The following PRDM16 variants were observed in gnomAD, a reference collection of about 807,000 sequenced individuals.
PRDM16 encodes histone-lysine N-methyltransferase PRDM16.
PRDM16 carries 23 observed loss-of-function variants against 110.6 expected under a neutral mutation model. The observed-to-expected ratio is 0.21, with a 90% CI of 0.15 to 0.29. The LOEUF is 0.29. Ranked by LOEUF, PRDM16 falls within the 10% of genes least tolerant of loss-of-function variation. The pLI is 1.00. For synonymous variants in PRDM16, 799 were observed against 781.8 expected, an observed-to-expected ratio of 1.02 and a Z score of -0.37; for missense variants, 1,615 against 1,794.3, an observed-to-expected ratio of 0.90 and a Z score of 1.81.
At chr1:3,079,834 G>T (rs1279931000) in intron 1 of PRDM16, among the ~76,000 whole-genome samples, 2 of 152,180 alleles carry the variant, frequency 1.3e-5, no homozygotes, top group African/African-American at 4.8e-5. Flanking sequence ...TCTGAGGTTG[G>T]CCTGAGAGGG....
At chr1:3,212,196 G>A (rs1028411570) in intron 2 of PRDM16, among the ~76,000 whole-genome samples, 3 of 152,276 alleles carry the variant, frequency 2.0e-5, no homozygotes, top group East Asian at 1.9e-4. Context: ...GGGCCAGTGC[G>A]CACAAAGCCC....
chr1:3,181,119 C>T (rs1157473294), intron 1 of PRDM16, among the ~76,000 whole-genome samples: 1 of 138,208 alleles, frequency 7.2e-6, no homozygotes, highest in Non-Finnish European at 1.6e-5. Context: ...CGCGGCCTTA[C>T]ACACGCAGTC....
intron 2 of PRDM16, among the ~76,000 whole-genome samples, chr1:3,236,068 G>A (rs1639532798): frequency 1.3e-5 from 2 of 152,290 alleles, no homozygotes; most frequent in South Asian, 2.1e-4. Context: ...AGTATCCAGA[G>A]AGCAGGCATC....
intron 3 of PRDM16, among the ~76,000 whole-genome samples, chr1:3,362,557 A>G (rs1362684219): frequency 6.6e-6 from 1 of 152,194 alleles, no homozygotes; most frequent in East Asian, 1.9e-4. Flanking sequence ...GGTGGGAACC[A>G]GTGGAAGACG....
intron 3 of PRDM16, among the ~76,000 whole-genome samples, chr1:3,383,692 G>GT (rs1474932596): frequency 2.0e-5 from 3 of 152,144 alleles, no homozygotes; most frequent in African/African-American, 7.2e-5. Flanking sequence ...ACCCGGGAGA[G>GT]TGCATGCCGA....
chr1:3,404,904 C>T lies in PRDM16; in HGVS notation c.1032+18C>T. 1 of 1,610,166 alleles carries T rather than the reference C, an allele frequency of 6.2e-7. No homozygotes were observed. The highest frequency in any genetic ancestry group is 8.5e-7 in the Non-Finnish European group (1 of 1,178,802). ...GCGTGAAGGTAACCTGCGGGGCGGC[C>T]CCGTCTCAGCCCCGGGGCAGCAGGA... On this transcript the variant is annotated intron_variant, in intron 7 of 16. Transcript: ENST00000270722.
intron 1 of PRDM16, among the ~76,000 whole-genome samples, chr1:3,139,302 C>T (rs527951580): frequency 4.6e-5 from 7 of 152,306 alleles, no homozygotes; most frequent in South Asian, 2.1e-4. Context: ...CTCCTGGAGC[C>T]GAGCCGTGCA....
chr1:3,391,957 C>T (rs1193862735), intron 4 of PRDM16, among the ~76,000 whole-genome samples: 12 of 152,242 alleles, frequency 7.9e-5, no homozygotes, highest in Admixed American at 5.9e-4. Flanking sequence ...GCTCCTGGGC[C>T]GGCCTCGGGG....
At chr1:3,418,030 C>A in intron 11 of PRDM16, 33 bp downstream of exon 11, 3 of 1,580,560 alleles carry the variant, frequency 1.9e-6, no homozygotes, top group Non-Finnish European at 2.6e-6. Flanking sequence ...TGGGACAGCC[C>A]TGGCGGGGCT....
At position 3,411,886 on chromosome 1, in the gene PRDM16, C is replaced by T. The variant is rs1643693942; in HGVS notation, c.1689C>T (p.Ser563=). The T allele has an allele frequency of 6.2e-7, 1 of 1,613,226 alleles. No homozygotes were observed. The highest frequency in any genetic ancestry group is 1.7e-5 in the Admixed American group (1 of 59,970). The change falls in exon 9 of 17, where the codon AGC becomes AGT. Residue 563 remains serine (S), a synonymous_variant. Transcript: ENST00000270722. ...NPALPLVSAV[S]NSSQGTTAAA... ...CCCTGCCCCTGGTCTCCGCCGTCAG[C>T]AACAGCAGCCAGGGCACGACGGCAG...
chr1:3,084,927 G>A (rs765240412), intron 1 of PRDM16, among the ~76,000 whole-genome samples: 2 of 152,222 alleles, frequency 1.3e-5, no homozygotes, highest in African/African-American at 4.8e-5. Flanking sequence ...GCTGCCAGGT[G>A]GAGAGGAGCT....
chr1:3,349,565 G>A (rs1221921087), intron 3 of PRDM16, among the ~76,000 whole-genome samples: 1 of 152,168 alleles, frequency 6.6e-6, no homozygotes, highest in South Asian at 2.1e-4. Context: ...CCTTGTCCCG[G>A]GGCAGCTGAC....
In PRDM16 at chr1:3,412,093, C is replaced by A; in HGVS notation, c.1896C>A (p.Asp632Glu). The A allele has an allele frequency of 6.3e-7, 1 of 1,589,494 alleles. No homozygotes were observed. The highest frequency in any genetic ancestry group is 8.6e-7 in the Non-Finnish European group (1 of 1,166,182). ...ACCTGGACAGCGACGTGGACAGCGA[C>A]CCTGACAAGGACAAGGGCAAGGGCA... ...GSDLDSDVDS[D>E]PDKDKGKGKS... The change falls in exon 9 of 17, where the codon GAC (aspartate) becomes GAA (glutamate). Residue 632 changes from aspartate to glutamate, a missense_variant. Asp to Glu is a conservative substitution (Grantham distance 45, BLOSUM62 2). Around this residue, in one of 5 missense-constraint regions of PRDM16, gnomAD observed 772 missense variants for 748.3 expected, o/e 1.03. Transcript: ENST00000270722.
chr1:3,426,056 C>G lies in PRDM16; in HGVS notation c.3115C>G (p.Gln1039Glu), dbSNP rs1638595642. The G allele has an allele frequency of 6.2e-7, 1 of 1,612,364 alleles. No homozygotes were observed. The highest frequency in any genetic ancestry group is 1.3e-5 in the African/African-American group (1 of 74,866). Residue 1039 changes from glutamine to glutamate, a missense_variant, in exon 14 of 17, where the codon CAG becomes GAG. Coordinates refer to ENST00000270722, the MANE Select transcript of PRDM16 (RefSeq NM_022114.4). ...ATGCTCCCGCCCCTCCGCAGTGAGCCAGCACCCCGGGGTCCTCACGAACCA... is the reference window on the plus strand; with the variant it reads ...ATGCTCCCGCCCCTCCGCAGTGAGCGAGCACCCCGGGGTCCTCACGAACCA... ...KHEHENAPVS[Q>E]HPGVLTNHLG... is the part of the protein sequence containing the mutation.
chr1:3,349,749 C>T (rs2100532251), intron 3 of PRDM16, among the ~76,000 whole-genome samples: 1 of 152,322 alleles, frequency 6.6e-6, no homozygotes, highest in Non-Finnish European at 1.5e-5. Context: ...CCTGGCTGAG[C>T]TGTCTACTGG....
intron 3 of PRDM16, among the ~76,000 whole-genome samples, chr1:3,292,931 T>C (rs1641009079): frequency 6.6e-6 from 1 of 152,212 alleles, no homozygotes; most frequent in Non-Finnish European, 1.5e-5. Context: ...CTTTTCCTGT[T>C]TGTCTTCTGT....
At chr1:3,133,325 G>C (rs1011943306) in intron 1 of PRDM16, 1 of 152,316 alleles carries the variant, frequency 6.6e-6, no homozygotes, top group Non-Finnish European at 1.5e-5. Context: ...GGGCGAGGGA[G>C]GCACCTCGGG....
chr1:3,313,249 C>A (rs1366075264), intron 3 of PRDM16, among the ~76,000 whole-genome samples: 1 of 152,226 alleles, frequency 6.6e-6, no homozygotes, highest in Non-Finnish European at 1.5e-5. Context: ...AGGAATGTGA[C>A]CGCGCTGTCT....
chr1:3,275,536 G>T (rs560999179), intron 3 of PRDM16, among the ~76,000 whole-genome samples: 2 of 150,060 alleles, frequency 1.3e-5, no homozygotes, highest in African/African-American at 2.5e-5. Context: ...GCCCCGAGGT[G>T]GGGGGGTTCA....
Sources: gnomAD v4.1 joint callset for allele counts (sites outside exome capture counted in the v4.1 genomes callset) on GRCh38, gnomAD v4.1.1 for gene constraint, gnomAD v4.1.1 regional missense constraint, MANE v1.5 for transcripts, NCBI Gene and HGNC (gene_info 2026-07-23, HGNC 2026-07-21) for gene names.